The following CLTRN variants were observed in gnomAD, a reference collection of about 807,000 sequenced individuals.
CLTRN encodes collectrin.
Under a neutral mutation model 14.5 loss-of-function variants are expected in CLTRN, and 12 were observed. That is an observed-to-expected ratio of 0.83 (90% CI 0.53 to 1.34). CLTRN has a LOEUF of 1.34. Among genes scored for constraint, CLTRN ranks in the 40% most tolerant of loss-of-function variants. CLTRN has a pLI of 0.00. For synonymous variants in CLTRN, 58 were observed against 56.5 expected (o/e 1.03, Z -0.12); for missense variants, 154 against 165.1 (o/e 0.93, Z 0.37).
intron 5 of CLTRN, among the ~76,000 whole-genome samples, chrX:15,631,871 T>C (rs1440612436): frequency 8.9e-6 from 1 of 112,186 alleles, no homozygotes; most frequent in Non-Finnish European, 1.9e-5. Context: ...TTTCATAGTG[T>C]TTGCTGTAAT....
intron 4 of CLTRN, among the ~76,000 whole-genome samples, chrX:15,641,032 G>A (rs1928929202): frequency 8.9e-6 from 1 of 112,247 alleles, no homozygotes; most frequent in African/African-American, 3.2e-5. Context: ...TTAGACCAAA[G>A]TATGTGGTGA....
chrX:15,663,266 C>G (rs1334188628), intron 2 of CLTRN, among the ~76,000 whole-genome samples: 2 of 112,491 alleles, frequency 1.8e-5, no homozygotes, highest in Admixed American at 9.4e-5. Context: ...TCCCAGCATT[C>G]AGCATCGTAC....
upstream of CLTRN, chrX:15,675,528 G>A (rs1386290363): frequency 8.9e-6 from 1 of 112,592 alleles, no homozygotes; most frequent in Non-Finnish European, 1.9e-5. Flanking sequence ...TTAGCGTGCA[G>A]GCGCGTGGCA....
chrX:15,666,366 G>A (rs143789323), upstream of CLTRN, among the ~76,000 whole-genome samples: 1 of 111,965 alleles, frequency 8.9e-6, no homozygotes, highest in East Asian at 2.8e-4. Flanking sequence ...CCCAGAGGTT[G>A]ATGTCAGGAC....
intron 5 of CLTRN, among the ~76,000 whole-genome samples, chrX:15,635,372 CAT>C (rs1429281271): frequency 8.9e-6 from 1 of 111,857 alleles, no homozygotes; most frequent in East Asian, 2.8e-4. Context: ...CAGTAGACCT[CAT>C]AGAATTATTT....
chrX:15,646,422 G>A (rs928211493), intron 3 of CLTRN: 2 of 315,282 alleles, frequency 6.3e-6, no homozygotes, highest in Non-Finnish European at 6.3e-6. Context: ...CTACCTGAGC[G>A]GCTTCCTGGG....
At chrX:15,665,125 TAG>T (rs1929594650), upstream of CLTRN, 8 of 156,276 alleles carry the variant, frequency 5.1e-5, no homozygotes, top group South Asian at 1.6e-3. Context: ...GAGTCCTGTC[TAG>T]AGGTTTCCTT....
chrX:15,632,316 G>A (rs1228676962), intron 5 of CLTRN, among the ~76,000 whole-genome samples: 4 of 112,499 alleles, frequency 3.6e-5, no homozygotes, highest in African/African-American at 1.3e-4. Flanking sequence ...GGTGGCTCAC[G>A]CCTGTAATCC....
intron 5 of CLTRN, among the ~76,000 whole-genome samples, chrX:15,638,761 C>T (rs781333655): frequency 8.9e-6 from 1 of 111,864 alleles, no homozygotes; most frequent in South Asian, 3.8e-4. Flanking sequence ...GTCTTAAATT[C>T]CCTCTTGAAG....
intron 3 of CLTRN, among the ~76,000 whole-genome samples, chrX:15,655,440 C>A (rs180873790): frequency 2.1e-4 from 23 of 111,630 alleles, no homozygotes; most frequent in African/African-American, 7.5e-4. Context: ...TGATTTCCTC[C>A]ACCTCGCCTC....
chrX:15,642,316 T>C (rs1191664759), intron 4 of CLTRN, among the ~76,000 whole-genome samples: 4 of 112,251 alleles, frequency 3.6e-5, no homozygotes, highest in Non-Finnish European at 7.5e-5. Context: ...AGAGTGGTAT[T>C]GAATTAGGCC....
chrX:15,669,391 A>G (rs1402505965), upstream of CLTRN, among the ~76,000 whole-genome samples: 1 of 112,410 alleles, frequency 8.9e-6, no homozygotes, highest in African/African-American at 3.2e-5. Flanking sequence ...CAGTTCAATC[A>G]TTCTGAATAT....
chrX:15,644,864 A>C (rs1929023507), intron 4 of CLTRN, 52 bp downstream of exon 4: 2 of 783,955 alleles, frequency 2.6e-6, no homozygotes, highest in African/African-American at 4.2e-5. Flanking sequence ...AAAACAGTTG[A>C]ATTAATCAGC....
intron 3 of CLTRN, chrX:15,646,655 C>T: frequency 2.9e-6 from 1 of 341,952 alleles, no homozygotes; most frequent in Admixed American, 3.1e-5. Flanking sequence ...TGGTGCCCGC[C>T]CGCATCCGCG....
At position 15,671,839 on chromosome X, in the gene CLTRN, T is replaced by TGCGC. The variant is rs1275175836; in HGVS notation, c.-506+3146_-506+3149dup. Among the ~76,000 whole-genome samples, 13 of 66,161 alleles carry TGCGC rather than the reference T, an allele frequency of 2.0e-4. No homozygotes were observed. In the East Asian group the frequency reaches 2.7e-3, roughly 14 times the overall value. The allele number at this position is 66,161 out of a possible 115,157, so 57.5% of individuals were successfully genotyped here. ...CAATCTTTTGGTATGCTTAATTTTA[T>TGCGC]GCGCGCACACACACACACACACACA... is the stretch of plus-strand genomic sequence containing the variant. On this transcript the variant is annotated intron_variant, in intron 1 of 6. Transcript: ENST00000650271.
At chrX:15,671,093 C>T (rs1929711312) in intron 1 of CLTRN, among the ~76,000 whole-genome samples, 1 of 111,179 alleles carries the variant, frequency 9.0e-6, no homozygotes, top group Admixed American at 9.6e-5. Flanking sequence ...ACGAGAAATG[C>T]AAAAATGAAC....
intron 5 of CLTRN, among the ~76,000 whole-genome samples, chrX:15,639,327 G>A (rs112405226): frequency 0.019 from 2,124 of 111,939 alleles, 44 homozygotes; most frequent in African/African-American, 0.064. Context: ...ACATTTATGT[G>A]GTACAGAATA....
chrX:15,644,944 G>A lies in CLTRN; in HGVS notation c.289C>T (p.Pro97Ser). The A allele has an allele frequency of 6.6e-6, 8 of 1,206,758 alleles. No homozygotes were observed. The highest frequency in any genetic ancestry group is 9.0e-6 in the Non-Finnish European group (8 of 892,695). ...VTDPSKNHTL[P>S]AVEVQSAIRM... ...ATGGCTGATTGCACCTCAACAGCAG[G>A]AAGGGTGTGATTTTTTGAAGGGTCT... The change falls in exon 4 of 6, where the codon CCT becomes TCT. Residue 97 changes from proline to serine, a missense_variant. By Grantham distance (74) the Pro-to-Ser change is moderately conservative. Coordinates refer to ENST00000380342, the MANE Select transcript of CLTRN (RefSeq NM_020665.6).
chrX:15,646,473 CGACCCCCGCGCCA>C (rs1322445034), intron 3 of CLTRN: 1 of 243,801 alleles, frequency 4.1e-6, no homozygotes, highest in Non-Finnish European at 8.0e-6. Flanking sequence ...CCCCCCCGCC[CGACCCCCGCGCCA>C]GAAGCACTGG....
Sources: gnomAD v4.1 joint callset for allele counts (sites outside exome capture counted in the v4.1 genomes callset) on GRCh38, gnomAD v4.1.1 for gene constraint, MANE v1.5 for transcripts, NCBI Gene and HGNC (gene_info 2026-07-23, HGNC 2026-07-21) for gene names.